The following HECTD2 variants were observed in gnomAD, a reference collection of about 807,000 sequenced individuals.
The protein encoded by HECTD2 is HECT domain E3 ubiquitin protein ligase 2.
HECTD2 carries 35 observed loss-of-function variants against 103.2 expected under a neutral mutation model. The observed-to-expected ratio is 0.34, with a 90% CI of 0.26 to 0.45. HECTD2 has a LOEUF of 0.45. Among genes scored for constraint, HECTD2 ranks in the 20% least tolerant of loss-of-function variants. The pLI is 1.00. For missense variants in HECTD2, 596 were observed against 937.4 expected (o/e 0.64, Z 4.76); for synonymous variants, 281 against 329.9 (o/e 0.85, Z 1.61).
At chr10:91,427,442 A>G (rs1030986283) in intron 2 of HECTD2, among the ~76,000 whole-genome samples, 13 of 152,122 alleles carry the variant, frequency 8.5e-5, no homozygotes, top group Admixed American at 8.5e-4. Context: ...TTCCACAATG[A>G]CTGAACTAGT....
rs892611546 is a variant in HECTD2, at chr10:91,462,395, T to C, written c.600+211T>C. The C allele has an allele frequency of 4.7e-5, 56 of 1,181,180 alleles. No homozygotes were observed. The African/African-American group carries it at 8.1e-4, about 17-fold the overall frequency. 73.2% of individuals were successfully genotyped at this position (1,181,180 alleles called of 1,614,324 possible). ...AAGCAGCAAATACTTTTATATCCAA[T>C]CCTTTTTTAGAAAGACTTGCTAAAA... On this transcript the variant is annotated intron_variant, in intron 5 of 20. Coordinates refer to ENST00000298068, the MANE Select transcript of HECTD2 (RefSeq NM_182765.6).
At chr10:91,468,532 C>G (rs1427659463) in intron 5 of HECTD2, among the ~76,000 whole-genome samples, 2 of 152,148 alleles carry the variant, frequency 1.3e-5, no homozygotes, top group East Asian at 1.9e-4. Context: ...AATGACCACA[C>G]TAGTTCCCAG....
Position 91,425,394 on chromosome 10 carries a change from C to A in HECTD2, c.252C>A (p.Phe84Leu). Reference sequence around the variant, plus strand: ...GAAGTTCACCTGCACATCTTGTTTTCCCTAACATCAAGAATGGTAAATAAT... The same window carrying A: ...GAAGTTCACCTGCACATCTTGTTTTACCTAACATCAAGAATGGTAAATAAT... ...ENRSSPAHLV[F>L]PNIKNVREPP... Residue 84 changes from phenylalanine (F) to leucine (L), a missense_variant, in exon 2 of 21, where the codon TTC becomes TTA. Physicochemically the swap from Phe to Leu is conservative, Grantham distance 22. Coordinates refer to ENST00000298068, the MANE Select transcript of HECTD2 (RefSeq NM_182765.6). 6.4e-7 allele frequency: 1 copy of A among 1,560,026 alleles called. No homozygotes were observed. The highest frequency in any genetic ancestry group is 1.2e-5 in the South Asian group (1 of 80,476).
chr10:91,409,632 C>T (rs1842833364), upstream of HECTD2, among the ~76,000 whole-genome samples: 1 of 152,128 alleles, frequency 6.6e-6, no homozygotes, highest in African/African-American at 2.4e-5. Context: ...GGGCCCACCA[C>T]GTCGCACTCC....
chr10:91,484,579 A>G lies in HECTD2; in HGVS notation c.894A>G (p.Ala298=), dbSNP rs778461214. 7 of 1,612,576 alleles carry G rather than the reference A, an allele frequency of 4.3e-6. No individual in the cohort carries two copies. In the South Asian group the frequency reaches 6.6e-5, roughly 15 times the overall value. Reference sequence around the variant, plus strand: ...TTATTTCTTTACGCCTGTTTCCTGCAAAGCCTGAAGAATTTCCACCTATAA... The same window carrying G: ...TTATTTCTTTACGCCTGTTTCCTGCGAAGCCTGAAGAATTTCCACCTATAA... ...LQFISLRLFP[A]KPEEFPPITK... Residue 298 remains alanine (A), a synonymous_variant, in exon 9 of 21, where the codon GCA becomes GCG. Transcript: ENST00000298068.
intron 20 of HECTD2, among the ~76,000 whole-genome samples, chr10:91,506,372 G>T (rs1436054432): frequency 1.3e-5 from 2 of 151,184 alleles, no homozygotes; most frequent in African/African-American, 2.4e-5. Context: ...TTGATAGACC[G>T]CTAGCAAGAC....
Position 91,478,134 on chromosome 10 carries a change from T to C in HECTD2, c.601-67T>C, listed in dbSNP as rs186877594. On this transcript the variant is annotated intron_variant, in intron 5 of 20. Coordinates refer to ENST00000298068, the MANE Select transcript of HECTD2 (RefSeq NM_182765.6). ...AACTATTGAAACAGATCTGTAAATA[T>C]AATTAACATATAAACGTCACCTAAT... The C allele has an allele frequency of 1.8e-3, 1,759 of 1,004,944 alleles. 4 individuals carry two copies. Among genetic ancestry groups the C allele is most frequent in the Non-Finnish European group, 2.3e-3 (1,437 of 632,538 alleles). 62.3% of individuals were successfully genotyped at this position (1,004,944 alleles called of 1,614,324 possible).
At chr10:91,497,285 T>G (rs1564735126) in intron 15 of HECTD2, among the ~76,000 whole-genome samples, 6 of 143,806 alleles carry the variant, frequency 4.2e-5, no homozygotes, top group African/African-American at 1.4e-4. Flanking sequence ...CAGAAAATGT[T>G]TCTTTTTTTT....
At chr10:91,457,199 C>T (rs993408032) in intron 2 of HECTD2, among the ~76,000 whole-genome samples, 6 of 151,924 alleles carry the variant, frequency 3.9e-5, no homozygotes, top group Non-Finnish European at 7.4e-5. Flanking sequence ...TATTCACGTC[C>T]GGATGGTCTC....
intron 1 of HECTD2, among the ~76,000 whole-genome samples, chr10:91,416,017 C>T (rs1454757041): frequency 1.1e-5 from 1 of 88,416 alleles, no homozygotes; most frequent in Non-Finnish European, 1.8e-5. Context: ...AACCACAAAG[C>T]CGTAAAGTCT....
chr10:91,450,393 T>A (rs1844755147), intron 2 of HECTD2, among the ~76,000 whole-genome samples: 1 of 152,098 alleles, frequency 6.6e-6, no homozygotes, highest in Admixed American at 6.6e-5. Context: ...ATTAAAAACT[T>A]AAATGTAAAA....
chr10:91,440,123 A>G (rs975658370), intron 2 of HECTD2, among the ~76,000 whole-genome samples: 2 of 152,042 alleles, frequency 1.3e-5, no homozygotes, highest in Non-Finnish European at 2.9e-5. Context: ...ATGTTGAATA[A>G]GAGTAGTGAG....
intron 5 of HECTD2, among the ~76,000 whole-genome samples, chr10:91,477,946 C>T (rs981823524): frequency 6.6e-6 from 1 of 152,118 alleles, no homozygotes; most frequent in Non-Finnish European, 1.5e-5. Flanking sequence ...TATAAAAATT[C>T]TGTTGGTCAT....
chr10:91,450,690 AC>A (rs201647187), intron 2 of HECTD2, among the ~76,000 whole-genome samples: 2 of 145,706 alleles, frequency 1.4e-5, no homozygotes, highest in African/African-American at 5.0e-5. Flanking sequence ...AAAAAAAAAA[AC>A]CATCAAAAAG....
At chr10:91,461,760 G>A (rs1032353385) in intron 4 of HECTD2, among the ~76,000 whole-genome samples, 4 of 152,068 alleles carry the variant, frequency 2.6e-5, no homozygotes, top group African/African-American at 9.7e-5. Context: ...TGTTGGCCAG[G>A]CTGGTCTCGA....
intron 2 of HECTD2, among the ~76,000 whole-genome samples, chr10:91,450,060 C>A (rs1298890840): frequency 6.6e-6 from 1 of 152,070 alleles, no homozygotes; most frequent in Non-Finnish European, 1.5e-5. Context: ...AAAAAGAGCC[C>A]ATATAGTCAA....
rs1224242823 is a variant in HECTD2, at chr10:91,487,822, A to G, written c.1191+44A>G. ...CATATTTATGCTGACTATAATCAGT[A>G]TAGTAAATAATTTAATAAATAATTT... On this transcript the variant is annotated intron_variant, in intron 11 of 20. Coordinates refer to ENST00000298068, the MANE Select transcript of HECTD2 (RefSeq NM_182765.6). The surrounding 1 kb of genome is among the most constrained non-coding windows in gnomAD (Gnocchi z 4.1). 5.0e-6 allele frequency: 5 copies of G among 1,008,412 alleles called. No individual in the cohort carries two copies. Among genetic ancestry groups the G allele is most frequent in the Non-Finnish European group, 4.5e-6 (3 of 673,016 alleles). 62.5% of individuals were successfully genotyped at this position (1,008,412 alleles called of 1,614,324 possible). A position where few individuals can be genotyped will look rare whatever the true frequency, so the allele number is the denominator to read the frequency against.
At chr10:91,469,848 C>T (rs1470813364) in intron 5 of HECTD2, among the ~76,000 whole-genome samples, 8 of 152,126 alleles carry the variant, frequency 5.3e-5, no homozygotes, top group Admixed American at 3.9e-4. Context: ...CAGTGACATC[C>T]ATAGGCTCAA....
chr10:91,484,827 A>G (rs1198000752), intron 9 of HECTD2, among the ~76,000 whole-genome samples, 172 bp downstream of exon 9: 1 of 152,054 alleles, frequency 6.6e-6, no homozygotes, highest in Non-Finnish European at 1.5e-5. Flanking sequence ...ATTTATAAGC[A>G]TGAAAAAAGC....
Sources: gnomAD v4.1 joint callset for allele counts (sites outside exome capture counted in the v4.1 genomes callset) on GRCh38, gnomAD v4.1.1 for gene constraint, Gnocchi (gnomAD v3.1) non-coding constraint, MANE v1.5 for transcripts, NCBI Gene and HGNC (gene_info 2026-07-23, HGNC 2026-07-21) for gene names.